The following SPAG16 variants were observed in gnomAD, a reference collection of about 807,000 sequenced individuals.
SPAG16 encodes the protein sperm-associated antigen 16 protein.
In SPAG16, 86 loss-of-function variants were observed where a neutral mutation model predicts 80.4. The observed-to-expected ratio is 1.07, with a 90% CI of 0.90 to 1.28. SPAG16 has a LOEUF of 1.28. SPAG16 is among the 50% of genes most tolerant of loss of function. The probability of loss-of-function intolerance (pLI) is 0.00; values close to 1 mark genes in which losing one functional copy is unlikely to be tolerated. For missense variants in SPAG16, 870 were observed against 765.3 expected, an observed-to-expected ratio of 1.14 and a Z score of -1.61; for synonymous variants, 294 against 265.9, an observed-to-expected ratio of 1.11 and a Z score of -1.03.
At chr2:213,792,050 A>C (rs946084692) in intron 10 of SPAG16, among the ~76,000 whole-genome samples, 1 of 152,210 alleles carries the variant, frequency 6.6e-6, no homozygotes, top group Non-Finnish European at 1.5e-5. Context: ...TTTTCTTAAA[A>C]CACCAAGCCA....
At chr2:213,359,377 C>G (rs924118316) in intron 7 of SPAG16, among the ~76,000 whole-genome samples, 1 of 151,330 alleles carries the variant, frequency 6.6e-6, no homozygotes, top group Admixed American at 6.6e-5. Flanking sequence ...GCCCTGCCCA[C>G]AGAGATGGAG....
At chr2:213,762,963 A>G (rs1425554015) in intron 10 of SPAG16, among the ~76,000 whole-genome samples, 2 of 152,224 alleles carry the variant, frequency 1.3e-5, no homozygotes, top group African/African-American at 4.8e-5. Context: ...ACCTTATTTA[A>G]AAATGGGCAA....
chr2:213,978,376 T>A (rs2045527173), intron 12 of SPAG16, among the ~76,000 whole-genome samples: 1 of 152,098 alleles, frequency 6.6e-6, no homozygotes, highest in Non-Finnish European at 1.5e-5. Flanking sequence ...TCCAATAAAA[T>A]TTTCCTTTCT....
intron 11 of SPAG16, among the ~76,000 whole-genome samples, chr2:213,912,851 T>G (rs2077737829): frequency 6.6e-6 from 1 of 152,086 alleles, no homozygotes; most frequent in Non-Finnish European, 1.5e-5. Flanking sequence ...AAAAACAAAT[T>G]ATCATGTTAA....
At chr2:213,514,761 A>C (rs1169874026) in intron 10 of SPAG16, among the ~76,000 whole-genome samples, 1 of 152,054 alleles carries the variant, frequency 6.6e-6, no homozygotes, top group African/African-American at 2.4e-5. Context: ...TTTAACACTG[A>C]AATTATTTGC....
At chr2:213,394,319 A>G (rs1343714369) in intron 9 of SPAG16, among the ~76,000 whole-genome samples, 9 of 152,160 alleles carry the variant, frequency 5.9e-5, no homozygotes, top group Admixed American at 5.9e-4. Flanking sequence ...AATCTATAGA[A>G]ATTATTTAAA....
At chr2:214,275,468 G>A (rs1692394266) in intron 15 of SPAG16, among the ~76,000 whole-genome samples, 1 of 152,166 alleles carries the variant, frequency 6.6e-6, no homozygotes, top group African/African-American at 2.4e-5. Flanking sequence ...CTTTAAATGT[G>A]TCCCAGAGAT....
intron 10 of SPAG16, among the ~76,000 whole-genome samples, chr2:213,650,110 G>A (rs901819173): frequency 2.1e-4 from 32 of 152,046 alleles, no homozygotes; most frequent in African/African-American, 7.0e-4. Flanking sequence ...ATATTCATAT[G>A]GCTGATGTTT....
intron 15 of SPAG16, among the ~76,000 whole-genome samples, chr2:214,248,285 TTATATTATTATTATTATTATTATTATTA>T (rs1559154108): frequency 7.7e-6 from 1 of 129,530 alleles, no homozygotes; most frequent in East Asian, 2.2e-4. Flanking sequence ...GGTACTATTC[TTATATTATTATTATTATTATTATTATTA>T]TTATTATTAT....
chr2:214,103,562 C>A (rs998074320), intron 13 of SPAG16, among the ~76,000 whole-genome samples: 5 of 152,094 alleles, frequency 3.3e-5, no homozygotes, highest in African/African-American at 9.7e-5. Flanking sequence ...AGGATAAGGA[C>A]ATGTGTATAT....
intron 10 of SPAG16, among the ~76,000 whole-genome samples, chr2:213,760,897 AG>A (rs1284686033): frequency 3.3e-5 from 5 of 152,234 alleles, no homozygotes; most frequent in African/African-American, 9.6e-5. Flanking sequence ...GACAGACATC[AG>A]GGGCTGAACT....
chr2:214,235,789 T>C (rs915012415), intron 15 of SPAG16, among the ~76,000 whole-genome samples: 1 of 152,208 alleles, frequency 6.6e-6, no homozygotes, highest in Non-Finnish European at 1.5e-5. Context: ...CAAACAACAT[T>C]TATTTCCAAT....
intron 10 of SPAG16, among the ~76,000 whole-genome samples, chr2:213,799,004 T>G (rs1484944756): frequency 6.6e-6 from 1 of 152,158 alleles, no homozygotes; most frequent in East Asian, 1.9e-4. Flanking sequence ...AATGGGGAAA[T>G]GTAATTCCTC....
chr2:213,599,917 A>G (rs1283205914), intron 10 of SPAG16, among the ~76,000 whole-genome samples: 1 of 151,572 alleles, frequency 6.6e-6, no homozygotes, highest in East Asian at 2.0e-4. Flanking sequence ...GGTCAGGCTG[A>G]CCTCCCGATC....
intron 9 of SPAG16, among the ~76,000 whole-genome samples, chr2:213,468,501 A>T (rs1426431219): frequency 1.4e-5 from 1 of 70,398 alleles, no homozygotes; most frequent in Non-Finnish European, 3.6e-5. Context: ...GTATTTATAT[A>T]TAGATATATA....
At chr2:214,053,549 A>T (rs972102247) in intron 13 of SPAG16, among the ~76,000 whole-genome samples, 1 of 152,198 alleles carries the variant, frequency 6.6e-6, no homozygotes, top group African/African-American at 2.4e-5. Context: ...CTTTCCCCAG[A>T]AAAACCCCTG....
intron 15 of SPAG16, among the ~76,000 whole-genome samples, chr2:214,170,701 G>A (rs1483168174): frequency 6.6e-6 from 1 of 152,004 alleles, no homozygotes; most frequent in African/African-American, 2.4e-5. Context: ...GTGTGAAATA[G>A]AAGTGTTGTG....
intron 10 of SPAG16, among the ~76,000 whole-genome samples, chr2:213,638,052 C>T (rs562625423): frequency 5.9e-5 from 9 of 152,222 alleles, no homozygotes; most frequent in African/African-American, 4.8e-5. Flanking sequence ...CCATCGTGCC[C>T]GGCTGATCTT....
chr2:213,447,220 G>A (rs1240537332), intron 9 of SPAG16, among the ~76,000 whole-genome samples: 1 of 152,172 alleles, frequency 6.6e-6, no homozygotes, highest in African/African-American at 2.4e-5. Context: ...GGGAGGACAA[G>A]GATCATCATC....
Sources: allele counts gnomAD v4.1 joint callset (sites outside exome capture counted in the v4.1 genomes callset), GRCh38; gene constraint gnomAD v4.1.1; transcripts MANE v1.5; gene names NCBI Gene and HGNC (gene_info 2026-07-23, HGNC 2026-07-21).